RFX7: variants seen among roughly 807,000 people sequenced by gnomAD.
RFX7 encodes the protein DNA-binding protein RFX7.
In RFX7, 26 loss-of-function variants were observed where a neutral mutation model predicts 111.8. The ratio of observed to expected loss-of-function variants is 0.23; its 90% CI spans 0.17 to 0.32. The LOEUF is 0.32. RFX7 is among the 10% of genes least tolerant of loss of function. The probability of loss-of-function intolerance (pLI) is 1.00; values close to 1 mark genes in which losing one functional copy is unlikely to be tolerated. For synonymous variants in RFX7, 624 were observed against 624.4 expected (o/e 1.00, Z 0.01); for missense variants, 1,573 against 1,772.9 (o/e 0.89, Z 2.02).
At chr15:56,122,119 T>C (rs187906284) in intron 5 of RFX7, among the ~76,000 whole-genome samples, 2 of 152,182 alleles carry the variant, frequency 1.3e-5, no homozygotes, top group African/African-American at 4.8e-5. Flanking sequence ...TAGATATTTA[T>C]CGTAGTGTTC....
chr15:56,087,327 C>G lies in RFX7; in HGVS notation c.*6018G>C, dbSNP rs1008485739. 4.0e-5 allele frequency: 17 copies of G among 422,720 alleles called. No homozygotes were observed. Among genetic ancestry groups the G allele is most frequent in the African/African-American group, 3.5e-4 (17 of 48,948 alleles). 26.2% of individuals were successfully genotyped at this position (422,720 alleles called of 1,614,324 possible). On this transcript the variant is annotated 3_prime_UTR_variant, in exon 10 of 10. Transcript: ENST00000559447. ...TTTATTTCTCTCATGTAAAACACAT[C>G]CAGAGGTAAGCAGTCAGGACTAGTT...
intron 5 of RFX7, among the ~76,000 whole-genome samples, chr15:56,125,544 T>A (rs1456676345): frequency 6.6e-6 from 1 of 152,016 alleles, no homozygotes; most frequent in East Asian, 1.9e-4. Context: ...TGTTTTTTAG[T>A]TTTCCTTGTA....
At chr15:56,235,202 C>T (rs1342896778) in intron 2 of RFX7, among the ~76,000 whole-genome samples, 1 of 150,976 alleles carries the variant, frequency 6.6e-6, no homozygotes, top group Non-Finnish European at 1.5e-5. Flanking sequence ...GAGATGGAGT[C>T]TCACTCTGTC....
chr15:56,182,577 T>C (rs1460147745), intron 2 of RFX7, among the ~76,000 whole-genome samples: 1 of 152,156 alleles, frequency 6.6e-6, no homozygotes, highest in Non-Finnish European at 1.5e-5. Flanking sequence ...TGTGAAGCTT[T>C]TAAATGTTTA....
intron 3 of RFX7, among the ~76,000 whole-genome samples, chr15:56,176,772 A>G (rs1285265337): frequency 6.6e-6 from 1 of 152,058 alleles, no homozygotes; most frequent in South Asian, 2.1e-4. Context: ...CTAGTTTTAT[A>G]TCCAAAAATG....
chr15:56,151,333 G>C (rs2042566457), intron 3 of RFX7, among the ~76,000 whole-genome samples: 1 of 152,280 alleles, frequency 6.6e-6, no homozygotes, highest in East Asian at 1.9e-4. Context: ...CCCACAAAGG[G>C]AAGCCCATCA....
intron 5 of RFX7, among the ~76,000 whole-genome samples, chr15:56,106,946 CAA>C (rs2041837404): frequency 6.6e-6 from 1 of 151,994 alleles, no homozygotes; most frequent in South Asian, 2.1e-4. Context: ...TTATACTTTG[CAA>C]GACTCAAAAA....
intron 2 of RFX7, among the ~76,000 whole-genome samples, chr15:56,184,172 ACCACAC>A (rs1427612743): frequency 6.8e-6 from 1 of 146,560 alleles, no homozygotes; most frequent in East Asian, 2.0e-4. Context: ...GGCATGTGCC[ACCACAC>A]CTGGCTAATT....
intron 2 of RFX7, among the ~76,000 whole-genome samples, chr15:56,208,952 T>C (rs1257260322): frequency 2.0e-5 from 3 of 151,966 alleles, no homozygotes; most frequent in Non-Finnish European, 4.4e-5. Context: ...TAATGGAAAT[T>C]CCAGAAGGAT....
At chr15:56,153,170 AAAC>A (rs1301768563) in intron 3 of RFX7, among the ~76,000 whole-genome samples, 9 of 152,334 alleles carry the variant, frequency 5.9e-5, no homozygotes, top group African/African-American at 1.4e-4. Context: ...AAACTATTCT[AAAC>A]AACAGAAAAA....
chr15:56,220,904 C>T (rs2043420195), intron 2 of RFX7, among the ~76,000 whole-genome samples: 1 of 152,160 alleles, frequency 6.6e-6, no homozygotes, highest in African/African-American at 2.4e-5. Context: ...TATGGCTAGC[C>T]AGTTATCCTA....
chr15:56,185,348 T>C (rs974499554), intron 2 of RFX7, among the ~76,000 whole-genome samples: 2 of 152,172 alleles, frequency 1.3e-5, no homozygotes, highest in African/African-American at 2.4e-5. Context: ...TAAGAATCTA[T>C]GTATCCTTTA....
chr15:56,089,873 T>C lies in RFX7; in HGVS notation c.*3472A>G, dbSNP rs562974121. The C allele has an allele frequency of 1.3e-5, 2 of 152,240 alleles. No homozygotes were observed. Among genetic ancestry groups the C allele is most frequent in the Admixed American group, 6.5e-5 (1 of 15,282 alleles). 9.4% of individuals were successfully genotyped at this position (152,240 alleles called of 1,614,324 possible). On this transcript the variant is annotated 3_prime_UTR_variant, in exon 10 of 10. Transcript: ENST00000559447. ...ACTGAGGGCTCCAGATCTATGGTGA[T>C]AGTGGAACTATCACAGATCTACAAA...
At chr15:56,104,974 G>C (rs2041811175) in intron 5 of RFX7, among the ~76,000 whole-genome samples, 2 of 152,184 alleles carry the variant, frequency 1.3e-5, no homozygotes, top group Admixed American at 1.3e-4. Context: ...AAGGTTGAAG[G>C]AGCAAAGTGA....
At position 56,095,170 on chromosome 15, in the gene RFX7, T is replaced by G. The variant is rs2041655650; in HGVS notation, c.2558A>C (p.Asp853Ala). 1 of 1,613,948 alleles carries G rather than the reference T, an allele frequency of 6.2e-7. No individual in the cohort carries two copies. Among genetic ancestry groups the G allele is most frequent in the Non-Finnish European group, 8.5e-7 (1 of 1,179,840 alleles). ...CAGTTCAGATTGCAGAGGTAACTGA[T>G]CTGAAGAATGTGCTTGTATTTGATT... is the stretch of plus-strand genomic sequence containing the variant. ...SLNQIQAHSS[D>A]QLPLQSELKE... The change falls in exon 10 of 10, where the codon GAT (aspartate) becomes GCT (alanine). Residue 853 changes from aspartate to alanine, a missense_variant. Transcript: ENST00000559447.
chr15:56,239,253 T>C (rs1649711536), intron 2 of RFX7, among the ~76,000 whole-genome samples: 1 of 152,000 alleles, frequency 6.6e-6, no homozygotes, highest in African/African-American at 2.4e-5. Context: ...CTTATACACA[T>C]AACCTGAAGG....
chr15:56,224,884 G>A (rs2043465737), intron 2 of RFX7, among the ~76,000 whole-genome samples: 1 of 151,964 alleles, frequency 6.6e-6, no homozygotes, highest in South Asian at 2.1e-4. Flanking sequence ...AACTGTTAGG[G>A]GTTGAGGCTA....
chr15:56,144,194 T>C lies in RFX7; in HGVS notation c.278+207A>G, dbSNP rs552420318. Among the ~76,000 whole-genome samples the C allele has an allele frequency of 1.2e-4, 18 of 152,270 alleles. No individual in the cohort carries two copies. In the South Asian group the frequency reaches 1.7e-3, roughly 14 times the overall value. On this transcript the variant is annotated intron_variant, in intron 4 of 9. Coordinates refer to ENST00000559447, the MANE Select transcript of RFX7 (RefSeq NM_022841.7). ...ATTGCATGTCATAGCATTTACCCAA[T>C]TGCACAAATAAATTAACAAAAACTG...
intron 2 of RFX7, 59 bp downstream of exon 2, chr15:56,243,066 C>CCCAATTA: frequency 8.6e-7 from 1 of 1,161,758 alleles, no homozygotes; most frequent in Non-Finnish European, 1.2e-6. Context: ...GCCCCCCACC[C>CCCAATTA]ACTTTGCAGC....
Sources: allele counts gnomAD v4.1 joint callset (sites outside exome capture counted in the v4.1 genomes callset), GRCh38; gene constraint gnomAD v4.1.1; transcripts MANE v1.5; gene names NCBI Gene and HGNC (gene_info 2026-07-23, HGNC 2026-07-21).